The following PAX2 variants were observed in gnomAD, a reference collection of about 807,000 sequenced individuals.
PAX2 encodes the protein paired box protein Pax-2.
A neutral mutation model predicts 41.7 loss-of-function variants in PAX2; 9 were observed. That is an observed-to-expected ratio of 0.22 (90% CI 0.13 to 0.38). PAX2 has a LOEUF of 0.38. Ranked by LOEUF, PAX2 falls within the 10% of genes least tolerant of loss-of-function variation. PAX2 has a pLI of 1.00. For synonymous variants in PAX2, 221 were observed against 212.7 expected (o/e 1.04, Z -0.34); for missense variants, 418 against 531.6 (o/e 0.79, Z 2.10).
At chr10:100,764,681 T>C (rs1209251146) in intron 3 of PAX2, among the ~76,000 whole-genome samples, 1 of 132,530 alleles carries the variant, frequency 7.5e-6, no homozygotes, top group Admixed American at 7.1e-5. Flanking sequence ...ACCTTGTGGC[T>C]GTGTGTGTGT....
At chr10:100,812,752 C>A (rs1848041482) in intron 7 of PAX2, among the ~76,000 whole-genome samples, 1 of 152,226 alleles carries the variant, frequency 6.6e-6, no homozygotes, top group South Asian at 2.1e-4. Flanking sequence ...TGATGTTGAT[C>A]TGGGAGGAGA....
intron 3 of PAX2, among the ~76,000 whole-genome samples, chr10:100,769,673 AAAAT>A (rs576167650): frequency 0.023 from 2,962 of 127,412 alleles, 48 homozygotes; most frequent in Middle Eastern, 0.029. Context: ...ATAAAATAAA[AAAAT>A]AAAAAACAAA....
rs1225494153 is a variant in PAX2, at chr10:100,748,408, C to A, written c.44-1338C>A. 2 of 984,820 alleles carry A rather than the reference C, an allele frequency of 2.0e-6. No homozygotes were observed. Among genetic ancestry groups the A allele is most frequent in the African/African-American group, 1.8e-5 (1 of 57,054 alleles). The allele number at this position is 984,820 out of a possible 1,614,324, so 61.0% of individuals were successfully genotyped here. On this transcript the variant is annotated intron_variant, in intron 1 of 9. Transcript: ENST00000355243. The surrounding 1 kb of genome is among the most constrained non-coding windows in gnomAD (Gnocchi z 5.0). ...CAGAGGTCTTTCCCCAGGGTTTCAC[C>A]GAGCTTGCTCTAGGTACCCCCCGAG...
chr10:100,799,949 C>G (rs1417252580), intron 5 of PAX2, among the ~76,000 whole-genome samples: 1 of 151,980 alleles, frequency 6.6e-6, no homozygotes, highest in Non-Finnish European at 1.5e-5. Flanking sequence ...CTACACCCAG[C>G]TAATTTTTTG....
chr10:100,763,850 C>T (rs1845919417), intron 3 of PAX2, among the ~76,000 whole-genome samples: 1 of 152,202 alleles, frequency 6.6e-6, no homozygotes. Flanking sequence ...AAGCTGGCTT[C>T]CCTACTCACT....
intron 3 of PAX2, among the ~76,000 whole-genome samples, chr10:100,758,715 C>G (rs973850819): frequency 6.6e-6 from 1 of 152,254 alleles, no homozygotes; most frequent in African/African-American, 2.4e-5. Flanking sequence ...AAAAAACTCT[C>G]TGCTGACCGA....
chr10:100,822,343 A>T (rs947420539), intron 7 of PAX2, among the ~76,000 whole-genome samples: 4 of 152,200 alleles, frequency 2.6e-5, no homozygotes, highest in African/African-American at 4.8e-5. Flanking sequence ...AAGAAAAAGC[A>T]TATTCTAATA....
chr10:100,828,047 C>T lies in PAX2; in HGVS notation c.*428C>T, dbSNP rs1467303047. ...AGCGCGGACCGCAGCGCGGCCCAGC[C>T]CCGGGCACCCGCCTCGGACGCTCGG... On this transcript the variant is annotated 3_prime_UTR_variant, in exon 10 of 10. Transcript: ENST00000355243. This position sits in a 1 kb window ranked among gnomAD's most constrained non-coding sequence, Gnocchi z 6.5. 6.2e-5 allele frequency: 15 copies of T among 240,966 alleles called. No homozygotes were observed. The highest frequency in any genetic ancestry group is 1.1e-4 in the Non-Finnish European group (14 of 124,952). 14.9% of individuals were successfully genotyped at this position (240,966 alleles called of 1,614,324 possible).
intron 5 of PAX2, among the ~76,000 whole-genome samples, chr10:100,805,785 C>G (rs1462278371): frequency 6.6e-6 from 1 of 152,174 alleles, no homozygotes. Context: ...GTGGGCTCTG[C>G]CCAAGCGGGA....
At chr10:100,823,700 G>A (rs911087620) in intron 7 of PAX2, among the ~76,000 whole-genome samples, 2 of 152,066 alleles carry the variant, frequency 1.3e-5, no homozygotes, top group African/African-American at 4.8e-5. Flanking sequence ...TATGGCAGAG[G>A]GGAGAAAGCA....
intron 3 of PAX2, among the ~76,000 whole-genome samples, chr10:100,771,508 G>T (rs190090073): frequency 1.3e-5 from 2 of 152,342 alleles, no homozygotes; most frequent in Admixed American, 6.5e-5. Flanking sequence ...TTGTGTTTCT[G>T]TGGAGAGGAG....
chr10:100,751,420 G>A (rs942256616), intron 3 of PAX2, among the ~76,000 whole-genome samples: 8 of 152,216 alleles, frequency 5.3e-5, no homozygotes, highest in Non-Finnish European at 1.2e-4. Context: ...ATCCGGGCTT[G>A]CAGAACAAAT....
At chr10:100,758,191 A>T (rs529310634) in intron 3 of PAX2, among the ~76,000 whole-genome samples, 1 of 147,358 alleles carries the variant, frequency 6.8e-6, no homozygotes, top group Admixed American at 6.8e-5. Context: ...CCCAGGCTGG[A>T]GTGCAATGGC....
At chr10:100,743,294 C>G (rs556164693), upstream of PAX2, among the ~76,000 whole-genome samples, 1 of 152,290 alleles carries the variant, frequency 6.6e-6, no homozygotes, top group South Asian at 2.1e-4. Context: ...CATTAAGTCC[C>G]CTTCTCTACA....
At chr10:100,752,405 G>A (rs1845475241) in intron 3 of PAX2, among the ~76,000 whole-genome samples, 1 of 152,218 alleles carries the variant, frequency 6.6e-6, no homozygotes, top group South Asian at 2.1e-4. Context: ...GAGGAGGCTG[G>A]GGCAGCTTTG....
chr10:100,825,024 C>T, intron 8 of PAX2: 1 of 1,534,220 alleles, frequency 6.5e-7, no homozygotes. Context: ...CCACCCAAGT[C>T]TGTGCCCGAG....
In PAX2 at chr10:100,749,932, G is replaced by C. The variant is rs764104130; in HGVS notation, c.212+18G>C. The C allele has an allele frequency of 6.2e-7, 1 of 1,609,292 alleles. No homozygotes were observed. The highest frequency in any genetic ancestry group is 1.7e-5 in the Admixed American group (1 of 59,806). ...CTGGGCAGGTGAGGGCTTCGCAGCTGTCCCGGGAGACGCCTTGCCTACTTC... is the reference window on the plus strand; with the variant it reads ...CTGGGCAGGTGAGGGCTTCGCAGCTCTCCCGGGAGACGCCTTGCCTACTTC... On this transcript the variant is annotated intron_variant, in intron 2 of 9. Transcript: ENST00000355243.
At chr10:100,805,059 CACACACACA>C in intron 5 of PAX2, among the ~76,000 whole-genome samples, 1 of 148,094 alleles carries the variant, frequency 6.8e-6, no homozygotes, top group Non-Finnish European at 1.5e-5. Context: ...CACACACACA[CACACACACA>C]CACACACTTT....
chr10:100,804,894 A>G (rs532745648), intron 5 of PAX2, among the ~76,000 whole-genome samples: 2 of 152,096 alleles, frequency 1.3e-5, no homozygotes, highest in African/African-American at 4.8e-5. Flanking sequence ...AACAAATACC[A>G]TTGAAGCTGC....
Sources: allele counts gnomAD v4.1 joint callset (sites outside exome capture counted in the v4.1 genomes callset), GRCh38; gene constraint gnomAD v4.1.1; non-coding constraint Gnocchi (gnomAD v3.1); transcripts MANE v1.5; gene names NCBI Gene and HGNC (gene_info 2026-07-23, HGNC 2026-07-21).